The following SLAIN1 variants were observed in gnomAD, a reference collection of about 807,000 sequenced individuals.
The protein encoded by SLAIN1 is SLAIN family member 1.
SLAIN1 carries 17 observed loss-of-function variants against 55.4 expected under a neutral mutation model. That is an observed-to-expected ratio of 0.31 (90% CI 0.21 to 0.46). SLAIN1 has a LOEUF of 0.46. Among genes scored for constraint, SLAIN1 ranks in the 20% least tolerant of loss-of-function variants. The probability of loss-of-function intolerance (pLI) is 1.00; values close to 1 mark genes in which losing one functional copy is unlikely to be tolerated. For synonymous variants in SLAIN1, 348 were observed against 337.4 expected, an observed-to-expected ratio of 1.03 and a Z score of -0.35; for missense variants, 682 against 785.1, an observed-to-expected ratio of 0.87 and a Z score of 1.57.
intron 2 of SLAIN1, among the ~76,000 whole-genome samples, chr13:77,728,789 C>A (rs968084711): frequency 3.9e-5 from 6 of 152,282 alleles, no homozygotes; most frequent in Non-Finnish European, 8.8e-5. Flanking sequence ...TCTTCTGGAA[C>A]CTGTCCAGTC....
intron 1 of SLAIN1, among the ~76,000 whole-genome samples, chr13:77,700,923 G>A (rs2091024226): frequency 6.6e-6 from 1 of 152,058 alleles, no homozygotes; most frequent in Admixed American, 6.6e-5. Context: ...TTATTACCGT[G>A]ACTCAGAATT....
At chr13:77,726,667 A>G (rs1189426632) in intron 2 of SLAIN1, among the ~76,000 whole-genome samples, 1 of 152,084 alleles carries the variant, frequency 6.6e-6, no homozygotes, top group Non-Finnish European at 1.5e-5. Flanking sequence ...CAATCTGCCC[A>G]CCTGGCCTCC....
At position 77,697,963 on chromosome 13, in the gene SLAIN1, C is replaced by G. The variant is rs1594242362; in HGVS notation, c.50C>G (p.Ala17Gly). Residue 17 changes from alanine to glycine, a missense_variant, in exon 1 of 7, where the codon GCG (alanine) becomes GGG (glycine). Ala to Gly is a moderately conservative substitution (Grantham distance 60). This residue lies in a region of SLAIN1 where 401 missense variants were observed against 417.3 expected (regional missense o/e 0.96). Transcript: ENST00000418532. ...KCASAGVSSG[A>G]GSGPVVNAEL... Reference sequence around the variant, plus strand: ...GCCTCGGCAGGGGTCAGCTCTGGAGCGGGCTCCGGGCCGGTGGTGAACGCG... The same window carrying G: ...GCCTCGGCAGGGGTCAGCTCTGGAGGGGGCTCCGGGCCGGTGGTGAACGCG... 6.9e-7 allele frequency: 1 copy of G among 1,445,158 alleles called. No individual in the cohort carries two copies. Among genetic ancestry groups the G allele is most frequent in the Non-Finnish European group, 9.2e-7 (1 of 1,090,050 alleles). 89.5% of individuals were successfully genotyped at this position (1,445,158 alleles called of 1,614,324 possible). A position where few individuals can be genotyped will look rare whatever the true frequency, so the allele number is the denominator to read the frequency against.
At chr13:77,716,034 A>C (rs2091203330) in intron 1 of SLAIN1, among the ~76,000 whole-genome samples, 1 of 152,088 alleles carries the variant, frequency 6.6e-6, no homozygotes, top group African/African-American at 2.4e-5. Context: ...GTTTCTTATA[A>C]AAGTGTTACT....
At position 77,763,971 on chromosome 13, in the gene SLAIN1, A is replaced by G. The variant is rs576738120; in HGVS notation, c.*751A>G. On this transcript the variant is annotated 3_prime_UTR_variant, in exon 7 of 7. Coordinates refer to ENST00000418532, the MANE Select transcript of SLAIN1 (RefSeq NM_001242868.2). ...ATATTTATAACGGCATCATGAGCTC[A>G]TTGCACTTAATACCTGCAATGTTTG... The G allele has an allele frequency of 6.6e-6, 1 of 152,644 alleles. No homozygotes were observed. The highest frequency in any genetic ancestry group is 1.5e-5 in the Non-Finnish European group (1 of 68,026). 9.5% of individuals were successfully genotyped at this position (152,644 alleles called of 1,614,324 possible).
At chr13:77,715,261 T>A (rs2091195433) in intron 1 of SLAIN1, among the ~76,000 whole-genome samples, 1 of 152,252 alleles carries the variant, frequency 6.6e-6, no homozygotes, top group South Asian at 2.1e-4. Context: ...TTTGTGTTAT[T>A]ACATGAATCA....
At chr13:77,747,232 G>A (rs1291651373) in intron 4 of SLAIN1, among the ~76,000 whole-genome samples, 2 of 151,732 alleles carry the variant, frequency 1.3e-5, no homozygotes, top group African/African-American at 2.4e-5. Flanking sequence ...CACCATACCC[G>A]GCCAAGAAAT....
In SLAIN1 at chr13:77,742,970, A is replaced by G. The variant is rs536082842; in HGVS notation, c.767-1313A>G. The G allele has an allele frequency of 2.4e-4, 284 of 1,160,498 alleles. 3 individuals carry two copies. The South Asian group carries it at 4.4e-3, about 18-fold the overall frequency. The allele number at this position is 1,160,498 out of a possible 1,614,324, so 71.9% of individuals were successfully genotyped here. Reference sequence around the variant, plus strand: ...CTTTCTCCTTCTGACAAGTCAACATATGCTTCCATATAGCTAACTGCTGCT... The same window carrying G: ...CTTTCTCCTTCTGACAAGTCAACATGTGCTTCCATATAGCTAACTGCTGCT... On this transcript the variant is annotated intron_variant, in intron 2 of 6. Transcript: ENST00000418532.
chr13:77,733,156 C>T (rs1173644728), intron 2 of SLAIN1, among the ~76,000 whole-genome samples: 1 of 152,084 alleles, frequency 6.6e-6, no homozygotes, highest in Non-Finnish European at 1.5e-5. Flanking sequence ...ACTCCTTATG[C>T]AACATGGTGG....
At chr13:77,723,768 C>A (rs1298782507) in intron 2 of SLAIN1, among the ~76,000 whole-genome samples, 1 of 152,034 alleles carries the variant, frequency 6.6e-6, no homozygotes, top group Non-Finnish European at 1.5e-5. Flanking sequence ...TGCAAAATTT[C>A]TTGCATTATT....
chr13:77,706,522 G>A (rs1474590865), intron 1 of SLAIN1, among the ~76,000 whole-genome samples: 7 of 152,050 alleles, frequency 4.6e-5, no homozygotes, highest in African/African-American at 1.7e-4. Flanking sequence ...AATTTATATT[G>A]TAGTGCTATC....
chr13:77,707,973 A>G (rs1333472923), intron 1 of SLAIN1, among the ~76,000 whole-genome samples: 1 of 152,142 alleles, frequency 6.6e-6, no homozygotes, highest in East Asian at 1.9e-4. Flanking sequence ...CCTTAGGTAG[A>G]CTTTCAACTG....
At chr13:77,728,553 T>A (rs2091328996) in intron 2 of SLAIN1, among the ~76,000 whole-genome samples, 1 of 152,188 alleles carries the variant, frequency 6.6e-6, no homozygotes, top group Admixed American at 6.5e-5. Flanking sequence ...TGGGATTAGA[T>A]ACTAAGGAAA....
chr13:77,712,888 G>T (rs766092179), intron 1 of SLAIN1, among the ~76,000 whole-genome samples: 1 of 151,922 alleles, frequency 6.6e-6, no homozygotes, highest in Non-Finnish European at 1.5e-5. Context: ...CAGAACAGAG[G>T]CCTCAGAAAT....
chr13:77,725,070 G>T lies in SLAIN1; in HGVS notation c.766+5399G>T, dbSNP rs1414286855. 3.9e-5 allele frequency among the ~76,000 whole-genome samples: 6 copies of T among 152,080 alleles called. No homozygotes were observed. The East Asian group carries it at 1.2e-3, about 29-fold the overall frequency. ...GATGCTGTTGCTAAAGTAAATGAAT[G>T]TTTTTTTGAGCCCAATGTAACTATT... On this transcript the variant is annotated intron_variant, in intron 2 of 6. Coordinates refer to ENST00000418532, the MANE Select transcript of SLAIN1 (RefSeq NM_001242868.2).
chr13:77,744,255 AAGAAC>A, intron 2 of SLAIN1, 23 bp from the exon 3 acceptor site: 1 of 1,494,596 alleles, frequency 6.7e-7, no homozygotes. Flanking sequence ...CTGCAGATGG[AAGAAC>A]ACACTTTTCC....
chr13:77,732,700 T>G (rs1872936773), intron 2 of SLAIN1, among the ~76,000 whole-genome samples: 1 of 152,122 alleles, frequency 6.6e-6, no homozygotes, highest in African/African-American at 2.4e-5. Context: ...CCACTATTAA[T>G]TGCAGATGGG....
intron 2 of SLAIN1, among the ~76,000 whole-genome samples, chr13:77,719,872 A>G (rs1238096368): frequency 1.3e-5 from 2 of 151,920 alleles, no homozygotes; most frequent in Non-Finnish European, 2.9e-5. Context: ...TTTTAGCCAT[A>G]TTTTTAGTTT....
intron 2 of SLAIN1, among the ~76,000 whole-genome samples, chr13:77,743,837 C>A (rs535796454): frequency 4.6e-5 from 7 of 151,986 alleles, no homozygotes; most frequent in African/African-American, 9.6e-5. Context: ...AAGAAATGGA[C>A]CAGATTAAAA....
Sources: allele counts gnomAD v4.1 joint callset (sites outside exome capture counted in the v4.1 genomes callset), GRCh38; gene constraint gnomAD v4.1.1; regional missense constraint gnomAD v4.1.1; transcripts MANE v1.5; gene names NCBI Gene and HGNC (gene_info 2026-07-23, HGNC 2026-07-21).